FBXO16: variants seen among roughly 807,000 people sequenced by gnomAD.
FBXO16 encodes F-box only protein 16.
FBXO16 carries 31 observed loss-of-function variants against 41.0 expected under a neutral mutation model. That is an observed-to-expected ratio of 0.76 (90% confidence interval 0.57 to 1.02). FBXO16 has a LOEUF of 1.02. Among genes scored for constraint, FBXO16 ranks in the 50% least tolerant of loss-of-function variants. FBXO16 has a pLI of 0.00. For missense variants in FBXO16, 361 were observed against 346.2 expected (o/e 1.04, Z -0.34); for synonymous variants, 133 against 117.8 (o/e 1.13, Z -0.84).
chr8:28,475,453 T>C (rs942190306), intron 2 of FBXO16, among the ~76,000 whole-genome samples: 1 of 152,186 alleles, frequency 6.6e-6, no homozygotes, highest in African/African-American at 2.4e-5. Flanking sequence ...TGGCAACAGA[T>C]AAACTCAGAA....
chr8:28,444,325 C>G (rs1309011169), intron 7 of FBXO16, among the ~76,000 whole-genome samples: 1 of 137,844 alleles, frequency 7.3e-6, no homozygotes, highest in East Asian at 2.1e-4. Context: ...TTTTTTGAGA[C>G]GGAGTCTTGC....
At chr8:28,451,774 G>C (rs1802957136) in intron 6 of FBXO16, among the ~76,000 whole-genome samples, 1 of 151,970 alleles carries the variant, frequency 6.6e-6, no homozygotes. Flanking sequence ...CCTGAGGTCA[G>C]GAGTTCAAGA....
At chr8:28,481,548 A>G (rs1429160119) in intron 2 of FBXO16, among the ~76,000 whole-genome samples, 1 of 151,524 alleles carries the variant, frequency 6.6e-6, no homozygotes, top group African/African-American at 2.4e-5. Context: ...GCGGTGGCTC[A>G]CGCCTGTAAT....
At chr8:28,481,022 G>C (rs1200839442) in intron 2 of FBXO16, among the ~76,000 whole-genome samples, 1 of 150,586 alleles carries the variant, frequency 6.6e-6, no homozygotes, top group South Asian at 2.1e-4. Context: ...ACATGCAAAG[G>C]CATGGAGGTG....
At chr8:28,454,308 T>C (rs1329863307) in intron 5 of FBXO16, among the ~76,000 whole-genome samples, 1 of 151,942 alleles carries the variant, frequency 6.6e-6, no homozygotes, top group African/African-American at 2.4e-5. Flanking sequence ...TGAGCTTCTA[T>C]TGAATTAAAT....
chr8:28,453,046 A>C (rs1005339281), intron 5 of FBXO16, among the ~76,000 whole-genome samples: 1 of 152,198 alleles, frequency 6.6e-6, no homozygotes, highest in East Asian at 1.9e-4. Flanking sequence ...CCACTCCAGG[A>C]GTACTTGCCA....
chr8:28,460,217 A>ATG (rs199922102), intron 4 of FBXO16, among the ~76,000 whole-genome samples: 1,201 of 105,342 alleles, frequency 0.011, 27 homozygotes, highest in African/African-American at 0.024. Flanking sequence ...ACAAATATAT[A>ATG]TGTGTGTGTA....
chr8:28,478,651 C>T (rs1465826238), intron 2 of FBXO16, among the ~76,000 whole-genome samples: 1 of 151,966 alleles, frequency 6.6e-6, no homozygotes, highest in African/African-American at 2.4e-5. Flanking sequence ...GGTGAAACTC[C>T]ATTTCTACTA....
chr8:28,487,482 T>C (rs1187584310), intron 1 of FBXO16, among the ~76,000 whole-genome samples: 3 of 148,322 alleles, frequency 2.0e-5, no homozygotes, highest in Admixed American at 2.0e-4. Flanking sequence ...GCACCTACGC[T>C]TCCCAGGTTC....
intron 4 of FBXO16, among the ~76,000 whole-genome samples, chr8:28,460,516 C>T (rs1803117329): frequency 6.7e-6 from 1 of 148,864 alleles, no homozygotes; most frequent in Non-Finnish European, 1.5e-5. Flanking sequence ...CTCCAACTCC[C>T]AGATTCAAGC....
intron 7 of FBXO16, among the ~76,000 whole-genome samples, chr8:28,438,094 T>C (rs1304960378): frequency 6.6e-6 from 1 of 151,620 alleles, no homozygotes; most frequent in Non-Finnish European, 1.5e-5. Flanking sequence ...AGCAGGCAGA[T>C]AGCTTGAGAC....
chr8:28,477,301 G>A (rs1244678209), intron 2 of FBXO16, among the ~76,000 whole-genome samples: 1 of 152,134 alleles, frequency 6.6e-6, no homozygotes, highest in Non-Finnish European at 1.5e-5. Context: ...CTGATCATTG[G>A]TGACAAATGC....
chr8:28,483,509 C>A (rs1225756091), intron 1 of FBXO16, 47 bp from the exon 2 acceptor site: 6 of 1,454,702 alleles, frequency 4.1e-6, no homozygotes, highest in East Asian at 4.5e-5. Context: ...AATCATATAA[C>A]CCTCAGAAAA....
intron 2 of FBXO16, among the ~76,000 whole-genome samples, chr8:28,479,022 T>C (rs566805367): frequency 1.3e-5 from 2 of 152,198 alleles, no homozygotes; most frequent in East Asian, 1.9e-4. Context: ...GCTCCTGCCA[T>C]GTAAGATGCC....
chr8:28,476,893 G>C (rs954922652), intron 2 of FBXO16, among the ~76,000 whole-genome samples: 3 of 152,148 alleles, frequency 2.0e-5, no homozygotes, highest in Admixed American at 1.3e-4. Context: ...ACAACTTGAT[G>C]TTTTGATATA....
At chr8:28,454,057 T>C (rs1802997266) in intron 5 of FBXO16, among the ~76,000 whole-genome samples, 1 of 151,846 alleles carries the variant, frequency 6.6e-6, no homozygotes, top group Non-Finnish European at 1.5e-5. Context: ...TCCCAGCTAC[T>C]TGGGAGGCTG....
At chr8:28,466,230 A>G (rs1803236896) in intron 3 of FBXO16, among the ~76,000 whole-genome samples, 1 of 151,476 alleles carries the variant, frequency 6.6e-6, no homozygotes, top group Admixed American at 6.6e-5. Context: ...ACTCCATCTG[A>G]AAAAACAAAA....
At chr8:28,444,278 C>A (rs1208510633) in intron 7 of FBXO16, among the ~76,000 whole-genome samples, 1 of 151,310 alleles carries the variant, frequency 6.6e-6, no homozygotes, top group Non-Finnish European at 1.5e-5. Flanking sequence ...TTCCTCTTCT[C>A]TTGCCTCACA....
intron 7 of FBXO16, among the ~76,000 whole-genome samples, chr8:28,446,659 G>T (rs1231602908): frequency 6.6e-6 from 1 of 151,762 alleles, no homozygotes. Flanking sequence ...ATCACCTGAG[G>T]TCAAGAGTTG....
Sources: allele counts gnomAD v4.1 joint callset (sites outside exome capture counted in the v4.1 genomes callset), GRCh38; gene constraint gnomAD v4.1.1; transcripts MANE v1.5; gene names NCBI Gene and HGNC (gene_info 2026-07-23, HGNC 2026-07-21).